Variants in PUM1 observed in about 807,000 individuals in gnomAD.
PUM1 encodes pumilio homolog 1.
PUM1 carries 13 observed loss-of-function variants against 131.8 expected under a neutral mutation model. That is an observed-to-expected ratio of 0.10 (90% confidence interval 0.06 to 0.16). PUM1 has a LOEUF of 0.16. Ranked by LOEUF, PUM1 falls within the 10% of genes least tolerant of loss-of-function variation. The probability of loss-of-function intolerance (pLI) is 1.00; values close to 1 mark genes in which losing one functional copy is unlikely to be tolerated. For synonymous variants in PUM1, 509 were observed against 556.5 expected (o/e 0.91, Z 1.20); for missense variants, 961 against 1,512.4 (o/e 0.64, Z 6.05).
At chr1:31,004,662 T>C (rs553916208) in intron 5 of PUM1, among the ~76,000 whole-genome samples, 2 of 152,314 alleles carry the variant, frequency 1.3e-5, no homozygotes, top group East Asian at 1.9e-4. Flanking sequence ...AGCTTTAGAA[T>C]AGCTAGTACT....
At position 30,992,289 on chromosome 1, in the gene PUM1, G is replaced by A. The variant is rs573032917; in HGVS notation, c.1158+101C>T. 88 of 1,478,470 alleles carry A rather than the reference G, an allele frequency of 6.0e-5. No individual in the cohort carries two copies. In the Middle Eastern group the frequency reaches 1.0e-3, roughly 17 times the overall value. The allele number at this position is 1,478,470 out of a possible 1,614,324, so 91.6% of individuals were successfully genotyped here. Reference sequence around the variant, plus strand: ...CACAAGGGCTAGCTATGGATAGCCTGAAACAATGCCACCACCTCCCCCATC... The same window carrying A: ...CACAAGGGCTAGCTATGGATAGCCTAAAACAATGCCACCACCTCCCCCATC... On this transcript the variant is annotated intron_variant, in intron 7 of 21. Transcript: ENST00000426105.
intron 2 of PUM1, 119 bp from the exon 3 acceptor site, chr1:31,028,983 G>A (rs1174657718): frequency 2.5e-6 from 2 of 787,904 alleles, no homozygotes; most frequent in East Asian, 5.0e-5. Flanking sequence ...AAAGACAATA[G>A]CAATGATCAA....
intron 5 of PUM1, among the ~76,000 whole-genome samples, chr1:30,998,720 G>C (rs1330058109): frequency 6.6e-6 from 1 of 152,222 alleles, no homozygotes; most frequent in African/African-American, 2.4e-5. Flanking sequence ...CCTGAAGTTT[G>C]AGATTCCTAT....
At chr1:30,950,337 T>C in intron 16 of PUM1, 76 bp from the exon 17 acceptor site, 1 of 1,496,140 alleles carries the variant, frequency 6.7e-7, no homozygotes, top group Non-Finnish European at 9.1e-7. Context: ...CATTCATTAT[T>C]CTGCATCAAC....
At chr1:31,041,591 G>C (rs1401011726) in intron 2 of PUM1, among the ~76,000 whole-genome samples, 1 of 152,064 alleles carries the variant, frequency 6.6e-6, no homozygotes, top group African/African-American at 2.4e-5. Context: ...ATGGTAATGA[G>C]TGAGTTCTCA....
intron 3 of PUM1, 48 bp downstream of exon 3, chr1:31,028,748 C>A (rs749354415): frequency 2.8e-6 from 4 of 1,436,708 alleles, no homozygotes; most frequent in East Asian, 4.5e-5. Context: ...ACAACTCCAA[C>A]CTTCCCTTAA....
intron 5 of PUM1, among the ~76,000 whole-genome samples, chr1:31,004,460 G>A (rs1642327601): frequency 6.6e-6 from 1 of 152,072 alleles, no homozygotes; most frequent in African/African-American, 2.4e-5. Context: ...AAAGAGTGAG[G>A]ACAGAAAAAG....
chr1:30,943,819 A>T (rs1337922982), intron 18 of PUM1, among the ~76,000 whole-genome samples: 1 of 152,192 alleles, frequency 6.6e-6, no homozygotes, highest in Non-Finnish European at 1.5e-5. Flanking sequence ...GGTAAATAAT[A>T]GTCTATTATT....
At chr1:31,048,648 G>A (rs1350783381) in intron 2 of PUM1, among the ~76,000 whole-genome samples, 1 of 150,962 alleles carries the variant, frequency 6.6e-6, no homozygotes, top group Non-Finnish European at 1.5e-5. Context: ...CTAATTTTTT[G>A]TATTTTTAGT....
At chr1:31,019,235 C>A (rs1470870946) in intron 3 of PUM1, among the ~76,000 whole-genome samples, 1 of 152,120 alleles carries the variant, frequency 6.6e-6, no homozygotes, top group Non-Finnish European at 1.5e-5. Context: ...ACCTGTGATC[C>A]CAGTTACTTG....
intron 3 of PUM1, among the ~76,000 whole-genome samples, chr1:31,024,949 A>C (rs1643169065): frequency 6.6e-6 from 1 of 152,206 alleles, no homozygotes; most frequent in Non-Finnish European, 1.5e-5. Flanking sequence ...TAGCAGACTG[A>C]TCTCTTCATA....
At chr1:31,058,204 G>A (rs1267672657) in intron 2 of PUM1, among the ~76,000 whole-genome samples, 3 of 152,130 alleles carry the variant, frequency 2.0e-5, no homozygotes, top group African/African-American at 7.2e-5. Context: ...AGCAGCTGAT[G>A]TTATCAACTT....
At chr1:31,001,159 G>A (rs1409192581) in intron 5 of PUM1, among the ~76,000 whole-genome samples, 1 of 151,868 alleles carries the variant, frequency 6.6e-6, no homozygotes, top group Non-Finnish European at 1.5e-5. Flanking sequence ...GCTCTAGCCT[G>A]GGCGACAGAG....
At chr1:30,992,254 C>CT in intron 7 of PUM1, 136 bp downstream of exon 7, 1 of 1,185,826 alleles carries the variant, frequency 8.4e-7, no homozygotes, top group Non-Finnish European at 1.2e-6. Context: ...ACCTACATCA[C>CT]TAACAGGTTC....
At chr1:30,972,393 G>A (rs1303857260) in intron 10 of PUM1, among the ~76,000 whole-genome samples, 2 of 34 alleles carry the variant, frequency 0.059, 1 homozygote, top group Non-Finnish European at 0.11. Flanking sequence ...GGAGGGGAGG[G>A]GAGGGGAGGG....
intron 17 of PUM1, 30 bp downstream of exon 17, chr1:30,950,097 A>G: frequency 6.2e-7 from 1 of 1,603,456 alleles, no homozygotes; most frequent in South Asian, 1.1e-5. Flanking sequence ...AACATCAAAC[A>G]CCAAGAGAAA....
chr1:30,972,907 C>T (rs944625265), intron 10 of PUM1: 2 of 152,222 alleles, frequency 1.3e-5, no homozygotes, highest in Non-Finnish European at 2.9e-5. Flanking sequence ...TGGTGAAACC[C>T]CGTCTCTACT....
chr1:31,038,597 T>A (rs1357357853), intron 2 of PUM1, among the ~76,000 whole-genome samples: 1 of 152,184 alleles, frequency 6.6e-6, no homozygotes, highest in East Asian at 1.9e-4. Flanking sequence ...TGTGAGAAAC[T>A]GCCCTTAGTC....
intron 20 of PUM1, among the ~76,000 whole-genome samples, chr1:30,940,623 G>A (rs1314248033): frequency 6.6e-6 from 1 of 152,142 alleles, no homozygotes; most frequent in Non-Finnish European, 1.5e-5. Context: ...CTTCTCAGAA[G>A]ACTATACCAC....
Sources: gnomAD v4.1 joint callset for allele counts (sites outside exome capture counted in the v4.1 genomes callset) on GRCh38, gnomAD v4.1.1 for gene constraint, MANE v1.5 for transcripts, NCBI Gene and HGNC (gene_info 2026-07-23, HGNC 2026-07-21) for gene names.